The following LUZP2 variants were observed in gnomAD, a reference collection of about 807,000 sequenced individuals.
The protein encoded by LUZP2 is leucine zipper protein 2.
In LUZP2, 52 loss-of-function variants were observed where a neutral mutation model predicts 51.6. The observed-to-expected ratio is 1.01, with a 90% CI of 0.81 to 1.27. The LOEUF (loss-of-function observed/expected upper bound fraction) is 1.27. Ranked by LOEUF, LUZP2 falls within the 50% of genes most tolerant of loss-of-function variation. LUZP2 has a pLI of 0.00. For missense variants in LUZP2, 436 were observed against 395.4 expected (o/e 1.10, Z -0.87); for synonymous variants, 154 against 137.3 (o/e 1.12, Z -0.85).
chr11:24,660,062 G>C lies in LUZP2; in HGVS notation c.63-69107G>C, dbSNP rs183219164. Among the ~76,000 whole-genome samples the C allele has an allele frequency of 4.6e-5, 7 of 152,262 alleles. No homozygotes were observed. The East Asian group carries it at 1.4e-3, about 29-fold the overall frequency. On this transcript the variant is annotated intron_variant, in intron 1 of 11. Transcript: ENST00000336930. ...TGAAAGAGGATCTAAAGTTCAGAGA[G>C]TGGAAGCAGCAGAGACACTCTCCTG...
intron 1 of LUZP2, among the ~76,000 whole-genome samples, chr11:24,576,740 G>T (rs1416508277): frequency 2.0e-5 from 3 of 151,988 alleles, no homozygotes; most frequent in Non-Finnish European, 4.4e-5. Flanking sequence ...ATAATTTTTA[G>T]AGTGTATATA....
intron 7 of LUZP2, among the ~76,000 whole-genome samples, chr11:24,944,514 G>C (rs1272291036): frequency 6.6e-6 from 1 of 152,164 alleles, no homozygotes; most frequent in African/African-American, 2.4e-5. Context: ...TGTGAGAATT[G>C]ATATCCAGTA....
intron 1 of LUZP2, among the ~76,000 whole-genome samples, chr11:24,710,616 G>A (rs1248529020): frequency 1.3e-5 from 2 of 152,136 alleles, no homozygotes; most frequent in South Asian, 2.1e-4. Context: ...TCTGAAAGCA[G>A]CCTAGCCACA....
intron 1 of LUZP2, among the ~76,000 whole-genome samples, chr11:24,652,225 C>A (rs1855650496): frequency 6.6e-6 from 1 of 151,976 alleles, no homozygotes; most frequent in Admixed American, 6.6e-5. Context: ...TTTTTTGAAA[C>A]CAAAGTTCAA....
chr11:24,686,461 C>T (rs549454838), intron 1 of LUZP2, among the ~76,000 whole-genome samples: 27 of 152,244 alleles, frequency 1.8e-4, no homozygotes, highest in African/African-American at 6.3e-4. Flanking sequence ...CCTCAGAAGA[C>T]CCTGTCCCCC....
intron 10 of LUZP2, among the ~76,000 whole-genome samples, chr11:25,077,017 A>C (rs957290661): frequency 1.3e-5 from 2 of 152,186 alleles, no homozygotes; most frequent in Non-Finnish European, 2.9e-5. Flanking sequence ...TTGTAGACAT[A>C]GTAGTTTTAT....
Position 24,926,817 on chromosome 11 carries a change from C to T in LUZP2, c.522+12279C>T, listed in dbSNP as rs759116038. ...TTAGTTCCTTTAAGGAATCCCCACA[C>T]TGTTTCTCATAGTGGTTGTAGTAGT... On this transcript the variant is annotated intron_variant, in intron 7 of 11. Transcript: ENST00000336930. 1.2e-3 allele frequency among the ~76,000 whole-genome samples: 189 copies of T among 151,656 alleles called. 2 individuals are homozygous for T. The highest frequency in any genetic ancestry group is 6.8e-3 in the Middle Eastern group (2 of 294).
Position 25,020,084 on chromosome 11 carries a change from A to C in LUZP2, c.766-29954A>C, listed in dbSNP as rs144415100. ...ACATGATCAAGGTTCTAGAATCTTG[A>C]AAATTTAACATATTTTCTAAAGTTT... On this transcript the variant is annotated intron_variant, in intron 9 of 11. Transcript: ENST00000336930. 5.3e-5 allele frequency among the ~76,000 whole-genome samples: 8 copies of C among 152,274 alleles called. 1 individual carries two copies. Among genetic ancestry groups the C allele is most frequent in the African/African-American group, 1.9e-4 (8 of 41,568 alleles).
At chr11:24,618,353 C>A (rs1176951264) in intron 1 of LUZP2, among the ~76,000 whole-genome samples, 1 of 152,174 alleles carries the variant, frequency 6.6e-6, no homozygotes. Context: ...CCCTACTTAG[C>A]CTTCTCTTAT....
At chr11:24,726,774 A>C (rs1254178655) in intron 1 of LUZP2, among the ~76,000 whole-genome samples, 1 of 152,156 alleles carries the variant, frequency 6.6e-6, no homozygotes, top group African/African-American at 2.4e-5. Flanking sequence ...CCAGTTACAG[A>C]ACCTGAGTGT....
chr11:24,827,431 C>T (rs1320586035), intron 5 of LUZP2, among the ~76,000 whole-genome samples: 1 of 152,082 alleles, frequency 6.6e-6, no homozygotes, highest in African/African-American at 2.4e-5. Flanking sequence ...TTATGGAACA[C>T]TGATGACACA....
intron 5 of LUZP2, among the ~76,000 whole-genome samples, chr11:24,827,410 A>G (rs1017974556): frequency 2.0e-5 from 3 of 152,190 alleles, no homozygotes; most frequent in African/African-American, 7.2e-5. Context: ...TTATTAATTT[A>G]TTACCAACAT....
intron 1 of LUZP2, among the ~76,000 whole-genome samples, chr11:24,512,526 T>C (rs1032760802): frequency 2.6e-5 from 4 of 152,178 alleles, no homozygotes; most frequent in Non-Finnish European, 5.9e-5. Flanking sequence ...TACCTAAGTA[T>C]GTAAAGTTTT....
intron 1 of LUZP2, among the ~76,000 whole-genome samples, chr11:24,665,502 A>G (rs1424339621): frequency 6.6e-6 from 1 of 152,154 alleles, no homozygotes; most frequent in Non-Finnish European, 1.5e-5. Flanking sequence ...CAGGGGCAGA[A>G]TAATATACTT....
At chr11:24,715,261 CTATGTGTGTGTGTG>C (rs1478852189) in intron 1 of LUZP2, among the ~76,000 whole-genome samples, 1 of 73,510 alleles carries the variant, frequency 1.4e-5, no homozygotes, top group African/African-American at 4.3e-5. Context: ...CAAGGAGCAA[CTATGTGTGTGTGTG>C]TGTGTGTGTG....
At chr11:25,016,118 C>A (rs967559419) in intron 9 of LUZP2, among the ~76,000 whole-genome samples, 1 of 151,836 alleles carries the variant, frequency 6.6e-6, no homozygotes, top group African/African-American at 2.4e-5. Flanking sequence ...GACGGGGTTT[C>A]ATGGTGTTAG....
At chr11:24,945,393 G>A (rs1433553032) in intron 7 of LUZP2, among the ~76,000 whole-genome samples, 1 of 152,046 alleles carries the variant, frequency 6.6e-6, no homozygotes, top group Non-Finnish European at 1.5e-5. Flanking sequence ...CATTCATTGT[G>A]TTAACTCAGG....
chr11:25,053,155 C>A (rs533985711), intron 10 of LUZP2, among the ~76,000 whole-genome samples: 8 of 151,804 alleles, frequency 5.3e-5, no homozygotes, highest in Non-Finnish European at 1.0e-4. Flanking sequence ...AGAGAGAGCC[C>A]CAGGATTCTG....
intron 1 of LUZP2, among the ~76,000 whole-genome samples, chr11:24,517,623 G>C (rs958329661): frequency 6.6e-6 from 1 of 150,678 alleles, no homozygotes; most frequent in Non-Finnish European, 1.5e-5. Context: ...ACTTCAATGA[G>C]GGCATCAGTC....
Sources: allele counts gnomAD v4.1 joint callset (sites outside exome capture counted in the v4.1 genomes callset), GRCh38; gene constraint gnomAD v4.1.1; transcripts MANE v1.5; gene names NCBI Gene and HGNC (gene_info 2026-07-23, HGNC 2026-07-21).